Variants in MYH13 observed in about 807,000 individuals in gnomAD.
MYH13 encodes myosin heavy chain 13.
In MYH13, 177 loss-of-function variants were observed where a neutral mutation model predicts 232.1. That is an observed-to-expected ratio of 0.76 (90% CI 0.67 to 0.86). The LOEUF is 0.86. Among genes scored for constraint, MYH13 ranks in the 40% least tolerant of loss-of-function variants. MYH13 has a pLI of 0.00. For missense variants in MYH13, 2,246 were observed against 2,405.9 expected (o/e 0.93, Z 1.39); for synonymous variants, 884 against 923.5 (o/e 0.96, Z 0.78).
chr17:10,336,524 T>C (rs2071576632), intron 18 of MYH13, among the ~76,000 whole-genome samples: 1 of 152,146 alleles, frequency 6.6e-6, no homozygotes, highest in South Asian at 2.1e-4. Context: ...TTCCCGGGGC[T>C]AGCCATTCCA....
chr17:10,348,278 T>A (rs1156372075), intron 12 of MYH13, among the ~76,000 whole-genome samples: 1 of 152,242 alleles, frequency 6.6e-6, no homozygotes, highest in African/African-American at 2.4e-5. Flanking sequence ...CACCAAGTCC[T>A]GCTTATTTCA....
intron 18 of MYH13, among the ~76,000 whole-genome samples, chr17:10,333,952 G>T (rs1907500966): frequency 1.3e-5 from 2 of 152,088 alleles, no homozygotes; most frequent in Admixed American, 1.3e-4. Context: ...CCCAGAAGGG[G>T]GTTGAAGGTA....
chr17:10,301,669 C>G lies in MYH13; in HGVS notation c.5702G>C (p.Arg1901Pro). The change falls in exon 40 of 41, where the codon CGG becomes CCG. Residue 1901 changes from arginine (R) to proline (P), a missense_variant. Coordinates refer to ENST00000252172, the MANE Select transcript of MYH13 (RefSeq NM_003802.3). ...CTCCTCTAGCTCATGCTGGACTCTC[C>G]GGCATCTGGACAGCTGCGTGTTGGC... Reference protein sequence around the residue: ...EQANTQLSRCRRVQHELEEAA... With the variant: ...EQANTQLSRCPRVQHELEEAA... The G allele has an allele frequency of 1.2e-6, 2 of 1,614,046 alleles. 1 individual carries two copies. Among genetic ancestry groups the G allele is most frequent in the South Asian group, 2.2e-5 (2 of 91,086 alleles).
intron 18 of MYH13, among the ~76,000 whole-genome samples, chr17:10,338,686 C>CTTT (rs2071594552): frequency 3.4e-5 from 3 of 89,212 alleles, no homozygotes; most frequent in South Asian, 3.9e-4. Flanking sequence ...CACTTTTATC[C>CTTT]TTGTTTTTTT....
intron 18 of MYH13, among the ~76,000 whole-genome samples, chr17:10,339,465 C>T (rs886114662): frequency 2.0e-5 from 3 of 152,026 alleles, no homozygotes; most frequent in Non-Finnish European, 2.9e-5. Flanking sequence ...TGCAAGGATT[C>T]GAGGTAATAT....
chr17:10,361,238 AT>A (rs1267128140), intron 5 of MYH13, among the ~76,000 whole-genome samples: 1 of 151,788 alleles, frequency 6.6e-6, no homozygotes, highest in East Asian at 1.9e-4. Context: ...TTTGGACACC[AT>A]TGCATTAGAT....
intron 40 of MYH13, 89 bp from the exon 41 acceptor site, chr17:10,301,054 C>T: frequency 8.2e-7 from 1 of 1,215,594 alleles, no homozygotes; most frequent in Non-Finnish European, 1.2e-6. Context: ...GCTGGAAAAT[C>T]TGGAACTTCA....
chr17:10,356,686 T>C (rs575032259), intron 8 of MYH13, among the ~76,000 whole-genome samples: 10 of 152,216 alleles, frequency 6.6e-5, no homozygotes, highest in Non-Finnish European at 1.2e-4. Flanking sequence ...TACTTCCTCA[T>C]TGATAACCAT....
At chr17:10,372,261 G>A (rs1310954564) in intron 1 of MYH13, among the ~76,000 whole-genome samples, 1 of 152,118 alleles carries the variant, frequency 6.6e-6, no homozygotes, top group African/African-American at 2.4e-5. Context: ...TTAAGTAGCT[G>A]GTATGATTTC....
intron 20 of MYH13, 109 bp from the exon 21 acceptor site, chr17:10,330,632 G>C: frequency 7.1e-7 from 1 of 1,401,496 alleles, no homozygotes; most frequent in South Asian, 1.4e-5. Context: ...CTCAGAGCAC[G>C]GCAGGGGCAG....
At chr17:10,361,913 T>A (rs2071796966) in intron 5 of MYH13, among the ~76,000 whole-genome samples, 1 of 152,216 alleles carries the variant, frequency 6.6e-6, no homozygotes, top group Non-Finnish European at 1.5e-5. Context: ...AAGAGCTCAG[T>A]GTAGCTTCAG....
At chr17:10,303,074 G>A (rs896935382) in intron 39 of MYH13, 122 bp downstream of exon 39, 2 of 787,478 alleles carry the variant, frequency 2.5e-6, no homozygotes, top group African/African-American at 1.7e-5. Context: ...TGTGTTTATA[G>A]CCTGCAAATA....
chr17:10,312,739 C>T lies in MYH13; in HGVS notation c.4200G>A (p.Arg1400=). 1 of 1,607,600 alleles carries T rather than the reference C, an allele frequency of 6.2e-7. No individual in the cohort carries two copies. The highest frequency in any genetic ancestry group is 8.5e-7 in the Non-Finnish European group (1 of 1,178,238). ...CCGTGTTCTCCTCTGCTTCCTGGAG[C>T]CTCTGGGCCAGTTTTTTCCTACGAA... ...LEEAKKKLAQ[R]LQEAEENTET... Residue 1400 remains arginine, a synonymous_variant, in exon 31 of 41, where the codon AGG becomes AGA. Coordinates refer to ENST00000252172, the MANE Select transcript of MYH13 (RefSeq NM_003802.3).
In MYH13 at chr17:10,345,497, G is replaced by A; in HGVS notation, c.1383C>T (p.Val461=). Residue 461 remains valine (V), a synonymous_variant, in exon 14 of 41, where the codon GTC becomes GTT. Transcript: ENST00000252172. ...TKQPRQYFIG[V]LDIAGFEIFD... is the part of the protein sequence containing the mutation. ...AGATCTCAAAGCCAGCAATGTCCAA[G>A]ACCCCGATGAAGTACTGCCTGGGCT... 6.2e-7 allele frequency: 1 copy of A among 1,614,182 alleles called. No individual in the cohort carries two copies. The highest frequency in any genetic ancestry group is 8.5e-7 in the Non-Finnish European group (1 of 1,180,028).
chr17:10,316,339 T>C (rs918572454), intron 27 of MYH13, among the ~76,000 whole-genome samples: 7 of 151,982 alleles, frequency 4.6e-5, no homozygotes, highest in African/African-American at 1.7e-4. Flanking sequence ...TGCATGCCTG[T>C]AATCCCAGCT....
chr17:10,309,227 G>A lies in MYH13; in HGVS notation c.5169+7C>T. 1.9e-6 allele frequency: 3 copies of A among 1,611,894 alleles called. No homozygotes were observed. Among genetic ancestry groups the A allele is most frequent in the South Asian group, 2.2e-5 (2 of 90,862 alleles). On this transcript the variant is annotated splice_region_variant and intron_variant, in intron 35 of 40. Coordinates refer to ENST00000252172, the MANE Select transcript of MYH13 (RefSeq NM_003802.3). Reference sequence around the variant, plus strand: ...GACCTTCAGCGGAGGAGTGAGGGCCGACGCACCTGGGAGTGCAGGAGCTGC... The same window carrying A: ...GACCTTCAGCGGAGGAGTGAGGGCCAACGCACCTGGGAGTGCAGGAGCTGC...
chr17:10,303,107 G>A (rs1470357404), intron 39 of MYH13, 89 bp downstream of exon 39: 3 of 1,123,810 alleles, frequency 2.7e-6, no homozygotes, highest in Non-Finnish European at 4.0e-6. Flanking sequence ...TGAGGCTCAG[G>A]GGACTTTACC....
chr17:10,301,695 C>T lies in MYH13; in HGVS notation c.5676G>A (p.Gln1892=), dbSNP rs369450938. 66 of 1,613,352 alleles carry T rather than the reference C, an allele frequency of 4.1e-5. No homozygotes were observed. The highest frequency in any genetic ancestry group is 1.7e-4 in the Admixed American group (10 of 60,000). The change falls in exon 40 of 41, where the codon CAG becomes CAA. Residue 1892 remains glutamine (Q), a synonymous_variant. Coordinates refer to ENST00000252172, the MANE Select transcript of MYH13 (RefSeq NM_003802.3). Reference sequence around the variant, plus strand: ...GGCATCTGGACAGCTGCGTGTTGGCCTGCTCCTCCTGCACAGGAGACAGAG... The same window carrying T: ...GGCATCTGGACAGCTGCGTGTTGGCTTGCTCCTCCTGCACAGGAGACAGAG... ...YKRQAEEAEE[Q]ANTQLSRCRR...
chr17:10,331,736 G>T (rs756483856), intron 20 of MYH13, among the ~76,000 whole-genome samples: 1 of 152,100 alleles, frequency 6.6e-6, no homozygotes. Flanking sequence ...ACTGCGCCCC[G>T]CTTGGTAGCT....
Sources: allele counts gnomAD v4.1 joint callset (sites outside exome capture counted in the v4.1 genomes callset), GRCh38; gene constraint gnomAD v4.1.1; transcripts MANE v1.5; gene names NCBI Gene and HGNC (gene_info 2026-07-23, HGNC 2026-07-21).